SPMIP7: variants seen among roughly 807,000 people sequenced by gnomAD.
The protein encoded by SPMIP7 is protein SPMIP7.
the SPMIP7 span, among the ~76,000 whole-genome samples, chr7:50,105,927 A>T: frequency 6.6e-6 from 1 of 152,208 alleles, no homozygotes. Flanking sequence ...TTGCCTTTTT[A>T]AAAAACCTAT....
chr7:50,122,567 G>A, the SPMIP7 span, among the ~76,000 whole-genome samples: 16 of 150,586 alleles, frequency 1.1e-4, no homozygotes, highest in African/African-American at 3.7e-4. Context: ...TTGACAAATG[G>A]GATCTAATTA....
chr7:50,147,062 G>GCAT, the SPMIP7 span, among the ~76,000 whole-genome samples: 2 of 152,158 alleles, frequency 1.3e-5, no homozygotes, highest in Non-Finnish European at 2.9e-5. Flanking sequence ...CCCTTATGTC[G>GCAT]CATCCATGGT....
At chr7:50,104,933 C>T in the SPMIP7 span, among the ~76,000 whole-genome samples, 8 of 152,328 alleles carry the variant, frequency 5.3e-5, no homozygotes, top group South Asian at 1.7e-3. Flanking sequence ...AACAACAATC[C>T]TCTCTGAATC....
the SPMIP7 span, among the ~76,000 whole-genome samples, chr7:50,111,082 CTATTA>C: frequency 7.0e-6 from 1 of 143,150 alleles, no homozygotes; most frequent in Non-Finnish European, 1.5e-5. Flanking sequence ...ATAAAATGTT[CTATTA>C]TATTATATGT....
the SPMIP7 span, among the ~76,000 whole-genome samples, chr7:50,116,266 C>T: frequency 6.6e-6 from 1 of 152,304 alleles, no homozygotes; most frequent in African/African-American, 2.4e-5. Flanking sequence ...CAGGCATGCA[C>T]CACCATGCCC....
chr7:50,129,655 G>A, the SPMIP7 span: 2 of 1,158,442 alleles, frequency 1.7e-6, no homozygotes, highest in Non-Finnish European at 1.3e-6. Context: ...ATGATGACTA[G>A]AAAACAATAA....
chr7:50,107,433 C>A, the SPMIP7 span, among the ~76,000 whole-genome samples: 1 of 122,414 alleles, frequency 8.2e-6, no homozygotes. Context: ...GGGGTAAAAG[C>A]AATTCCAGAA....
At chr7:50,129,177 G>A in the SPMIP7 span, among the ~76,000 whole-genome samples, 1 of 151,628 alleles carries the variant, frequency 6.6e-6, no homozygotes, top group East Asian at 1.9e-4. Flanking sequence ...TCAGCAGAAA[G>A]AAAATGGAAC....
the SPMIP7 span, among the ~76,000 whole-genome samples, chr7:50,133,147 T>C: frequency 6.6e-6 from 1 of 152,126 alleles, no homozygotes; most frequent in Non-Finnish European, 1.5e-5. Flanking sequence ...AGGATCCAAC[T>C]GGAATTGATT....
chr7:50,140,167 T>C, the SPMIP7 span: 4 of 1,504,346 alleles, frequency 2.7e-6, no homozygotes, highest in Non-Finnish European at 3.5e-6. Context: ...GAAGTAAATA[T>C]ATTCCTCTCT....
the SPMIP7 span, chr7:50,129,767 C>T: frequency 2.6e-6 from 4 of 1,548,752 alleles, no homozygotes; most frequent in East Asian, 9.8e-5. Flanking sequence ...ATGCAAAGGA[C>T]TCATTTTACA....
At chr7:50,120,357 A>G in the SPMIP7 span, 2 of 152,150 alleles carry the variant, frequency 1.3e-5, no homozygotes, top group Non-Finnish European at 2.9e-5. Context: ...TTTGTAGCCA[A>G]TTATATTTTC....
At chr7:50,109,132 T>A in the SPMIP7 span, among the ~76,000 whole-genome samples, 1 of 152,202 alleles carries the variant, frequency 6.6e-6, no homozygotes, top group African/African-American at 2.4e-5. Context: ...TTAAGATTGA[T>A]TTATGATATA....
the SPMIP7 span, among the ~76,000 whole-genome samples, chr7:50,138,998 G>C: frequency 6.6e-6 from 1 of 152,126 alleles, no homozygotes. Flanking sequence ...CCCCACTATA[G>C]ACTCCAACGT....
the SPMIP7 span, among the ~76,000 whole-genome samples, chr7:50,131,290 C>T: frequency 6.6e-6 from 1 of 152,138 alleles, no homozygotes; most frequent in Non-Finnish European, 1.5e-5. Flanking sequence ...AAAAATGATT[C>T]TAAGGCTTTG....
the SPMIP7 span, chr7:50,096,677 T>A: frequency 6.9e-7 from 1 of 1,445,102 alleles, no homozygotes; most frequent in Non-Finnish European, 9.2e-7. Context: ...TTTTAAATGC[T>A]CAAGGGAAGA....
chr7:50,127,601 C>G, the SPMIP7 span, among the ~76,000 whole-genome samples: 2 of 125,766 alleles, frequency 1.6e-5, no homozygotes, highest in Non-Finnish European at 3.3e-5. Flanking sequence ...TGAAAAACGT[C>G]TATTCATATC....
chr7:50,117,328 T>A, the SPMIP7 span: 1 of 439,530 alleles, frequency 2.3e-6, no homozygotes, highest in Admixed American at 2.6e-5. Context: ...AGCCATATTT[T>A]AATTGTTTAA....
At chr7:50,137,828 T>A in the SPMIP7 span, among the ~76,000 whole-genome samples, 1 of 152,210 alleles carries the variant, frequency 6.6e-6, no homozygotes, top group Non-Finnish European at 1.5e-5. Context: ...CTTATATATT[T>A]TGTCCCTTTT....
Sources: gnomAD v4.1 joint callset for allele counts (sites outside exome capture counted in the v4.1 genomes callset) on GRCh38, gnomAD v4.1.1 for gene constraint, MANE v1.5 for transcripts, NCBI Gene and HGNC (gene_info 2026-07-23, HGNC 2026-07-21) for gene names.